Variants in MGST2 observed in about 807,000 individuals in gnomAD.
The protein encoded by MGST2 is microsomal glutathione S-transferase 2, also known as glutathione peroxidase MGST2.
A neutral mutation model predicts 16.6 loss-of-function variants in MGST2; 9 were observed. The ratio of observed to expected loss-of-function variants is 0.54; its 90% confidence interval spans 0.33 to 0.95. MGST2 has a LOEUF of 0.95. MGST2 is among the 40% of genes least tolerant of loss of function. The pLI is 0.03. For synonymous variants in MGST2, 79 were observed against 68.0 expected (o/e 1.16, Z -0.79); for missense variants, 159 against 175.1 (o/e 0.91, Z 0.52).
chr4:139,714,327 A>ATT (rs757246550), intron 5 of MGST2, among the ~76,000 whole-genome samples: 1 of 152,160 alleles, frequency 6.6e-6, no homozygotes, highest in Non-Finnish European at 1.5e-5. Context: ...ATAAACACTG[A>ATT]TTTTTTCCCC....
the MGST2 span, among the ~76,000 whole-genome samples, chr4:139,753,276 A>G: frequency 1.3e-4 from 20 of 152,296 alleles, no homozygotes; most frequent in Admixed American, 1.2e-3. Flanking sequence ...GAACTTTTTC[A>G]TCTTAAACAG....
At position 139,683,245 on chromosome 4, in the gene MGST2, A is replaced by G. The variant is rs763980687; in HGVS notation, c.158+4603A>G. On this transcript the variant is annotated intron_variant, in intron 2 of 4. Transcript: ENST00000265498. ...GGGAGATAGCAGTGAAATGATGGGAAGTGGTCAGGTTCTGGATATATTTTG... is the reference window on the plus strand; with the variant it reads ...GGGAGATAGCAGTGAAATGATGGGAGGTGGTCAGGTTCTGGATATATTTTG... Among the ~76,000 whole-genome samples, 6 of 152,210 alleles carry G rather than the reference A, an allele frequency of 3.9e-5. No homozygotes were observed. The South Asian group carries it at 1.2e-3, about 31-fold the overall frequency.
In MGST2 at chr4:139,666,026, G is replaced by A. The variant is rs761648899; in HGVS notation, c.7G>A (p.Gly3Arg). 1 of 1,614,054 alleles carries A rather than the reference G, an allele frequency of 6.2e-7. No individual in the cohort carries two copies. Among genetic ancestry groups the A allele is most frequent in the Non-Finnish European group, 8.5e-7 (1 of 1,180,002 alleles). The part of the protein sequence containing the change: MA[G>R]NSILLAAVSI... ...AAATAGTTCCGTGAGAAAGATGGCC[G>A]GGAACTCGATCCTGCTGGCTGCTGT... The change falls in exon 1 of 5, where the codon GGG becomes AGG. Residue 3 changes from glycine (G) to arginine (R), a missense_variant. Physicochemically the swap from Gly to Arg is moderately radical, Grantham distance 125. Transcript: ENST00000265498.
At chr4:139,693,384 G>A (rs1011834227) in intron 2 of MGST2, among the ~76,000 whole-genome samples, 2 of 133,216 alleles carry the variant, frequency 1.5e-5, no homozygotes, top group Admixed American at 8.8e-5. Flanking sequence ...CAGCCTGGGC[G>A]ACAGAGCAAG....
intron 5 of MGST2, among the ~76,000 whole-genome samples, chr4:139,732,227 G>GT (rs1353355605): frequency 6.6e-6 from 1 of 152,168 alleles, no homozygotes; most frequent in Non-Finnish European, 1.5e-5. Context: ...CATATTGGCA[G>GT]TTTTTTCTCA....
chr4:139,750,832 C>T, the MGST2 span, among the ~76,000 whole-genome samples: 15 of 152,192 alleles, frequency 9.9e-5, no homozygotes, highest in Non-Finnish European at 1.9e-4. Flanking sequence ...CCACTCCCTA[C>T]CCCCTTTTAA....
downstream of MGST2, among the ~76,000 whole-genome samples, chr4:139,741,397 C>T (rs1325968702): frequency 6.6e-6 from 1 of 152,136 alleles, no homozygotes; most frequent in Non-Finnish European, 1.5e-5. Context: ...CAAGGTTTTA[C>T]ATATATAGTC....
rs773198113 is a variant in MGST2, at chr4:139,678,592, G to GC, written c.113dup (p.Ala39SerfsTer9). On this transcript the variant is annotated frameshift_variant, in exon 2 of 5. Transcript: ENST00000265498. LOFTEE classifies it high-confidence loss of function. ...AGGCAAGATTAAAATACAAAGTTAC[G>GC]CCCCCAGCAGTCACTGGGTCACCAG... 3.8e-5 allele frequency: 61 copies of GC among 1,613,874 alleles called. No homozygotes were observed. Among genetic ancestry groups the GC allele is most frequent in the Non-Finnish European group, 4.7e-5 (55 of 1,179,964 alleles).
chr4:139,709,080 T>TA, downstream of MGST2, among the ~76,000 whole-genome samples: 1 of 106,514 alleles, frequency 9.4e-6, no homozygotes, highest in East Asian at 2.8e-4. Context: ...AATTTTTTTT[T>TA]TTTTTTTTTT....
At chr4:139,730,334 G>C in intron 5 of MGST2, 2 of 1,245,816 alleles carry the variant, frequency 1.6e-6, no homozygotes, top group Non-Finnish European at 2.3e-6. Flanking sequence ...GATGTGAACT[G>C]CCACTTCCTC....
At chr4:139,699,858 G>GGA (rs1727140825) in intron 3 of MGST2, among the ~76,000 whole-genome samples, 1 of 152,084 alleles carries the variant, frequency 6.6e-6, no homozygotes, top group African/African-American at 2.4e-5. Flanking sequence ...GGGCAACAAA[G>GGA]GAGACCCTGT....
chr4:139,729,846 T>A (rs1728630098), intron 5 of MGST2, among the ~76,000 whole-genome samples: 1 of 152,216 alleles, frequency 6.6e-6, no homozygotes, highest in South Asian at 2.1e-4. Context: ...TCCTGAGCTG[T>A]TTTAAAAGCT....
Position 139,736,355 on chromosome 4 carries a change from T to C in MGST2, c.*49-3857T>C, listed in dbSNP as rs182788062. ...TCAGAGGTGAAAGCTAACATGACAA[T>C]TGCTTGGCCAAAGAGCGCAGCAGTT... On this transcript the variant is annotated intron_variant, in intron 5 of 5. Coordinates refer to the MGST2 transcript ENST00000616265. Among the ~76,000 whole-genome samples the C allele has an allele frequency of 1.5e-3, 233 of 152,256 alleles. 1 individual carries two copies. Among genetic ancestry groups the C allele is most frequent in the Non-Finnish European group, 2.1e-3 (145 of 68,018 alleles).
intron 2 of MGST2, among the ~76,000 whole-genome samples, chr4:139,684,528 A>C (rs1440333326): frequency 1.3e-5 from 2 of 152,212 alleles, no homozygotes; most frequent in Non-Finnish European, 2.9e-5. Context: ...GCTGTTAAGA[A>C]AGAGGCATTA....
At chr4:139,673,975 C>T (rs1301091451) in intron 1 of MGST2, among the ~76,000 whole-genome samples, 1 of 152,216 alleles carries the variant, frequency 6.6e-6, no homozygotes, top group Non-Finnish European at 1.5e-5. Context: ...CAGGGGCTTA[C>T]AGGCCACAGG....
At chr4:139,719,349 G>A (rs755449418) in intron 5 of MGST2, 1 of 1,599,612 alleles carries the variant, frequency 6.3e-7, no homozygotes, top group South Asian at 1.1e-5. Flanking sequence ...AATTCATCAA[G>A]CTCCTGCATC....
At chr4:139,699,880 T>A (rs1727142743) in intron 3 of MGST2, among the ~76,000 whole-genome samples, 1 of 151,868 alleles carries the variant, frequency 6.6e-6, no homozygotes, top group Admixed American at 6.6e-5. Flanking sequence ...TCTACAAAAT[T>A]TTTTTTAAAA....
chr4:139,666,117 C>CGCGCGCGT lies in MGST2; in HGVS notation c.58+41_58+42insCGCGCGTG, dbSNP rs372455548. On this transcript the variant is annotated intron_variant, in intron 1 of 4. Transcript: ENST00000265498. ...AAGTTCGTGTGTGTGCGCGTGTGTG[C>CGCGCGCGT]GTGTGTGTGTGTGTGTGACAAGGCT... is the stretch of plus-strand genomic sequence containing the variant. The CGCGCGCGT allele has an allele frequency of 1.2e-3, 1,269 of 1,025,232 alleles. 6 individuals are homozygous for CGCGCGCGT. In the African/African-American group the frequency reaches 0.043, roughly 35 times the overall value. 63.5% of individuals were successfully genotyped at this position (1,025,232 alleles called of 1,614,324 possible). A position where few individuals can be genotyped will look rare whatever the true frequency, so the allele number is the denominator to read the frequency against.
At chr4:139,740,649 C>G (rs966429198) in exon 6 of MGST2, 1 of 152,106 alleles carries the variant, frequency 6.6e-6, no homozygotes, top group Non-Finnish European at 1.5e-5. Context: ...GATGCATAGG[C>G]CTATCTTGTG....
Sources: gnomAD v4.1 joint callset for allele counts (sites outside exome capture counted in the v4.1 genomes callset) on GRCh38, gnomAD v4.1.1 for gene constraint, MANE v1.5 for transcripts, NCBI Gene and HGNC (gene_info 2026-07-23, HGNC 2026-07-21) for gene names.